Variants in USP28 observed in about 807,000 individuals in gnomAD.
The protein encoded by USP28 is ubiquitin specific peptidase 28.
A neutral mutation model predicts 145.0 loss-of-function variants in USP28; 113 were observed. The observed-to-expected ratio is 0.78, with a 90% confidence interval of 0.67 to 0.91. The LOEUF is 0.91. Among genes scored for constraint, USP28 ranks in the 40% least tolerant of loss-of-function variants. USP28 has a pLI of 0.00. For synonymous variants in USP28, 447 were observed against 450.9 expected (o/e 0.99, Z 0.11); for missense variants, 1,201 against 1,289.6 (o/e 0.93, Z 1.05).
exon 16 of USP28, chr11:113,812,363 C>A: frequency 6.2e-7 from 1 of 1,614,122 alleles, no homozygotes; most frequent in Non-Finnish European, 8.5e-7. Flanking sequence ...TCTCTTTCAA[C>A]TTCTTCCCAG....
intron 1 of USP28, among the ~76,000 whole-genome samples, chr11:113,862,033 TG>T (rs766715835): frequency 2.0e-4 from 30 of 152,346 alleles, no homozygotes; most frequent in African/African-American, 4.8e-4. Flanking sequence ...GGTCTTCGTG[TG>T]TAGTTTCTAT....
chr11:113,873,873 T>C (rs990702592), intron 1 of USP28, among the ~76,000 whole-genome samples: 1 of 152,290 alleles, frequency 6.6e-6, no homozygotes, highest in African/African-American at 2.4e-5. Context: ...CTGGGCGCCC[T>C]GGTTCACGCC....
At chr11:113,799,329 T>C in exon 25 of USP28, 9 of 1,614,190 alleles carry the variant, frequency 5.6e-6, no homozygotes, top group Non-Finnish European at 7.6e-6. Context: ...TTGGGTCGAA[T>C]AGTTGGAGGC....
chr11:113,806,689 G>T, intron 18 of USP28, 105 bp from the exon 20 acceptor site: 1 of 750,606 alleles, frequency 1.3e-6, no homozygotes, highest in East Asian at 3.0e-5. Context: ...CAGCAGAGCA[G>T]TGTGCTCTTT....
intron 11 of USP28, 99 bp from the exon 12 acceptor site, chr11:113,823,799 A>AT: frequency 1.1e-6 from 1 of 897,112 alleles, no homozygotes; most frequent in South Asian, 2.0e-5. Flanking sequence ...TCAATCAGAT[A>AT]TAGGGCATCT....
chr11:113,828,443 G>A (rs1943621759), intron 10 of USP28, among the ~76,000 whole-genome samples: 1 of 152,186 alleles, frequency 6.6e-6, no homozygotes, highest in Non-Finnish European at 1.5e-5. Context: ...AGCTCTCTGA[G>A]TTCCAACACT....
chr11:113,845,351 A>C (rs1247711567), intron 3 of USP28, among the ~76,000 whole-genome samples: 2 of 151,508 alleles, frequency 1.3e-5, no homozygotes, highest in Admixed American at 6.6e-5. Context: ...CACGAGAATC[A>C]CTTGTACCCG....
intron 19 of USP28, among the ~76,000 whole-genome samples, chr11:113,806,072 G>A (rs764848303): frequency 1.3e-5 from 2 of 150,918 alleles, no homozygotes; most frequent in Non-Finnish European, 2.9e-5. Flanking sequence ...GGGACTACAG[G>A]TATGTGCTAC....
chr11:113,864,202 CTG>C (rs2136947793), intron 1 of USP28, among the ~76,000 whole-genome samples: 1 of 152,256 alleles, frequency 6.6e-6, no homozygotes, highest in South Asian at 2.1e-4. Flanking sequence ...GATCTCACCA[CTG>C]CACTCCAGCC....
intron 13 of USP28, among the ~76,000 whole-genome samples, chr11:113,816,215 T>TA (rs968455269): frequency 2.2e-4 from 33 of 151,440 alleles, no homozygotes; most frequent in African/African-American, 2.2e-4. Flanking sequence ...TACTTTGACT[T>TA]AAAAAAAAAC....
chr11:113,804,613 G>A, intron 21 of USP28, 60 bp downstream of exon 22: 2 of 1,486,436 alleles, frequency 1.3e-6, no homozygotes, highest in Non-Finnish European at 1.8e-6. Flanking sequence ...TTTTGCCTCA[G>A]GTACCATTTA....
intron 11 of USP28, among the ~76,000 whole-genome samples, chr11:113,826,494 A>G (rs1943349780): frequency 6.6e-6 from 1 of 150,920 alleles, no homozygotes; most frequent in African/African-American, 2.4e-5. Context: ...TTTTTAAGAG[A>G]CAGGGTTTTG....
intron 5 of USP28, among the ~76,000 whole-genome samples, chr11:113,838,978 T>G (rs977620749): frequency 6.6e-6 from 1 of 152,230 alleles, no homozygotes; most frequent in Non-Finnish European, 1.5e-5. Flanking sequence ...ATTGGGGCTA[T>G]GTAAGTTTAA....
intron 10 of USP28, chr11:113,828,933 G>A (rs1943674415): frequency 1.7e-6 from 1 of 599,972 alleles, no homozygotes; most frequent in Non-Finnish European, 3.1e-6. Flanking sequence ...TCAACAGAAA[G>A]AGAGAAACTT....
intron 5 of USP28, among the ~76,000 whole-genome samples, chr11:113,837,806 C>T (rs778662448): frequency 5.9e-5 from 9 of 152,186 alleles, no homozygotes; most frequent in Non-Finnish European, 1.0e-4. Context: ...TGAACATTTT[C>T]GTATCACCAC....
Position 113,855,577 on chromosome 11 carries a change from C to T in USP28, c.58-1242G>A, listed in dbSNP as rs150489890. On this transcript the variant is annotated intron_variant, in intron 1 of 24. Transcript: ENST00000003302. ...CAACAGCTGTGGGCCCAATGCAACACTAAAGTATTACACAACTAGAAATAA... is the reference window on the plus strand; with the variant it reads ...CAACAGCTGTGGGCCCAATGCAACATTAAAGTATTACACAACTAGAAATAA... 9.4e-3 allele frequency among the ~76,000 whole-genome samples: 1,433 copies of T among 152,322 alleles called. 8 individuals are homozygous for T. The highest frequency in any genetic ancestry group is 0.014 in the Admixed American group (213 of 15,290).
At chr11:113,832,874 G>A (rs140158622) in intron 7 of USP28, among the ~76,000 whole-genome samples, 97 of 152,236 alleles carry the variant, frequency 6.4e-4, no homozygotes, top group African/African-American at 2.1e-3. Context: ...GGGTTCCAGG[G>A]ATCTTCCTGC....
chr11:113,808,441 A>G lies in USP28; in HGVS notation c.2165-4T>C, dbSNP rs775169605. 62 of 1,612,102 alleles carry G rather than the reference A, an allele frequency of 3.8e-5. No homozygotes were observed. The highest frequency in any genetic ancestry group is 5.0e-5 in the Admixed American group (3 of 59,904). ...TGAGAAGAGGCTACTGAAGGCTCTG[A>G]TAAAGAATTGAACAAAGGTCTTAGC... is the stretch of plus-strand genomic sequence containing the variant. On this transcript the variant is annotated splice_polypyrimidine_tract_variant and splice_region_variant and intron_variant, in intron 17 of 24. Transcript: ENST00000003302.
Position 113,830,324 on chromosome 11 carries a change from A to G in USP28, c.910+543T>C, listed in dbSNP as rs372526389. Among the ~76,000 whole-genome samples the G allele has an allele frequency of 1.1e-4, 17 of 152,332 alleles. No homozygotes were observed. In the East Asian group the frequency reaches 2.1e-3, roughly 19 times the overall value. ...TGGGTTATGTTTTAAAAAGAGTATC[A>G]GATTGGTAAGAGTGGGGTGAGATGG... is the stretch of plus-strand genomic sequence containing the variant. On this transcript the variant is annotated intron_variant, in intron 9 of 24. Coordinates refer to ENST00000003302, the Ensembl canonical transcript of USP28.
Sources: allele counts gnomAD v4.1 joint callset (sites outside exome capture counted in the v4.1 genomes callset), GRCh38; gene constraint gnomAD v4.1.1; transcripts MANE v1.5; gene names NCBI Gene and HGNC (gene_info 2026-07-23, HGNC 2026-07-21).